LUZP2: variants seen among roughly 807,000 people sequenced by gnomAD.
The protein encoded by LUZP2 is leucine zipper protein 2.
LUZP2 carries 52 observed loss-of-function variants against 51.6 expected under a neutral mutation model. That is an observed-to-expected ratio of 1.01 (90% CI 0.81 to 1.27). The LOEUF is 1.27. Among genes scored for constraint, LUZP2 ranks in the 50% most tolerant of loss-of-function variants. LUZP2 has a pLI of 0.00. For synonymous variants in LUZP2, 154 were observed against 137.3 expected, an observed-to-expected ratio of 1.12 and a Z score of -0.85; for missense variants, 436 against 395.4, an observed-to-expected ratio of 1.10 and a Z score of -0.87.
chr11:24,983,743 G>A (rs1265035258), intron 9 of LUZP2, among the ~76,000 whole-genome samples: 3 of 150,150 alleles, frequency 2.0e-5, no homozygotes, highest in African/African-American at 7.3e-5. Flanking sequence ...ATTTTTAAAA[G>A]TGTGTTTAGG....
chr11:24,664,263 G>A (rs537431480), intron 1 of LUZP2, among the ~76,000 whole-genome samples: 11 of 152,230 alleles, frequency 7.2e-5, no homozygotes, highest in African/African-American at 2.6e-4. Context: ...GCAGCACTTT[G>A]CCCCTGCCCT....
intron 7 of LUZP2, among the ~76,000 whole-genome samples, chr11:24,936,556 A>G (rs1032603190): frequency 6.7e-6 from 1 of 149,834 alleles, no homozygotes; most frequent in Non-Finnish European, 1.5e-5. Flanking sequence ...TTTTTTCCTT[A>G]TACAATAATG....
intron 9 of LUZP2, among the ~76,000 whole-genome samples, chr11:25,010,261 A>G (rs1465685778): frequency 1.3e-5 from 2 of 152,204 alleles, no homozygotes; most frequent in Non-Finnish European, 2.9e-5. Flanking sequence ...AAGTGTATTA[A>G]TAACATTGCT....
intron 1 of LUZP2, among the ~76,000 whole-genome samples, chr11:24,619,954 G>T (rs1204571977): frequency 2.6e-5 from 4 of 152,098 alleles, no homozygotes; most frequent in Non-Finnish European, 5.9e-5. Flanking sequence ...ATTCTTAAAA[G>T]TTGTTTAAGC....
intron 1 of LUZP2, among the ~76,000 whole-genome samples, chr11:24,539,900 C>T (rs1851302776): frequency 6.6e-6 from 1 of 151,976 alleles, no homozygotes; most frequent in African/African-American, 2.4e-5. Context: ...TAAATACTAG[C>T]TTCTGTCATT....
chr11:24,601,232 T>C (rs375656827), intron 1 of LUZP2, among the ~76,000 whole-genome samples: 1 of 152,082 alleles, frequency 6.6e-6, no homozygotes, highest in Non-Finnish European at 1.5e-5. Context: ...ACAAATGGAA[T>C]GAATTTGGAA....
At chr11:24,882,886 A>T (rs535834402) in intron 5 of LUZP2, among the ~76,000 whole-genome samples, 38 of 151,556 alleles carry the variant, frequency 2.5e-4, no homozygotes, top group African/African-American at 9.2e-4. Flanking sequence ...AAAGAAAAAG[A>T]AGGAAAGAAA....
chr11:25,065,940 C>T (rs1462657681), intron 10 of LUZP2, among the ~76,000 whole-genome samples: 2 of 151,938 alleles, frequency 1.3e-5, no homozygotes, highest in Non-Finnish European at 1.5e-5. Flanking sequence ...AGTCTCCAAC[C>T]TTCTAATTTC....
At chr11:25,027,020 T>C (rs1857513164) in intron 9 of LUZP2, among the ~76,000 whole-genome samples, 1 of 152,018 alleles carries the variant, frequency 6.6e-6, no homozygotes. Context: ...TAATCACCTA[T>C]GCATACAGAT....
chr11:24,949,954 T>C (rs1344900778), intron 7 of LUZP2, among the ~76,000 whole-genome samples: 5 of 129,924 alleles, frequency 3.8e-5, no homozygotes, highest in Non-Finnish European at 6.4e-5. Context: ...CCGCCCTTTT[T>C]CTTTCTTTCT....
At chr11:24,682,492 C>A in intron 1 of LUZP2, among the ~76,000 whole-genome samples, 1 of 86,106 alleles carries the variant, frequency 1.2e-5, no homozygotes, top group South Asian at 4.3e-4. Context: ...AAGACTCCAC[C>A]TTGGAAAAAA....
chr11:25,008,225 C>T (rs12804132), intron 9 of LUZP2, among the ~76,000 whole-genome samples: 22,115 of 152,186 alleles, frequency 0.15, 2,051 homozygotes, highest in East Asian at 0.31. Flanking sequence ...GTGTTCAGCC[C>T]GTGGCTGAGC....
chr11:24,593,462 C>T (rs1455620967), intron 1 of LUZP2, among the ~76,000 whole-genome samples: 1 of 152,192 alleles, frequency 6.6e-6, no homozygotes, highest in Admixed American at 6.5e-5. Context: ...AGCTTACTCA[C>T]ATAGCTGTCA....
In LUZP2 at chr11:24,611,446, T is replaced by G. The variant is rs1854115699; in HGVS notation, c.62+114141T>G. On this transcript the variant is annotated intron_variant, in intron 1 of 11. Transcript: ENST00000336930. This position sits in a 1 kb window ranked among gnomAD's most constrained non-coding sequence, Gnocchi z 4.6. ...TTTTGCACACTAATAAAAGCATAAA[T>G]ATTCATGTTGCAATGTGATATACAC... Among the ~76,000 whole-genome samples, 1 of 152,174 alleles carries G rather than the reference T, an allele frequency of 6.6e-6. No homozygotes were observed. Among genetic ancestry groups the G allele is most frequent in the Non-Finnish European group, 1.5e-5 (1 of 68,028 alleles).
chr11:24,671,510 C>G (rs993100986), intron 1 of LUZP2, among the ~76,000 whole-genome samples: 4 of 151,864 alleles, frequency 2.6e-5, no homozygotes, highest in Admixed American at 6.6e-5. Flanking sequence ...AAGGATTTCT[C>G]TCTCTTTCTT....
intron 7 of LUZP2, 105 bp downstream of exon 7, chr11:24,914,643 G>C: frequency 1.3e-6 from 1 of 784,980 alleles, no homozygotes; most frequent in Non-Finnish European, 2.0e-6. Flanking sequence ...CTCATGAATT[G>C]GAGTTGCATT....
chr11:24,898,191 C>T (rs1051566745), intron 5 of LUZP2, among the ~76,000 whole-genome samples: 13 of 151,506 alleles, frequency 8.6e-5, no homozygotes, highest in African/African-American at 2.2e-4. Context: ...TAAGAACTTA[C>T]ATAAATTGGA....
At chr11:24,987,931 T>C (rs544366682) in intron 9 of LUZP2, among the ~76,000 whole-genome samples, 123 of 152,098 alleles carry the variant, frequency 8.1e-4, no homozygotes, top group African/African-American at 2.8e-3. Context: ...TACTCCTGAT[T>C]CTGATACAAT....
At chr11:24,825,876 T>C (rs1201250350) in intron 5 of LUZP2, among the ~76,000 whole-genome samples, 1 of 151,914 alleles carries the variant, frequency 6.6e-6, no homozygotes, top group Non-Finnish European at 1.5e-5. Context: ...ATTAGTAAAG[T>C]GAATTTTTAA....
Sources: gnomAD v4.1 joint callset for allele counts (sites outside exome capture counted in the v4.1 genomes callset) on GRCh38, gnomAD v4.1.1 for gene constraint, Gnocchi (gnomAD v3.1) non-coding constraint, MANE v1.5 for transcripts, NCBI Gene and HGNC (gene_info 2026-07-23, HGNC 2026-07-21) for gene names.